ADCY8: variants seen among roughly 807,000 people sequenced by gnomAD.
The protein encoded by ADCY8 is adenylate cyclase 8.
ADCY8 carries 51 observed loss-of-function variants against 119.7 expected under a neutral mutation model. The observed-to-expected ratio is 0.43, with a 90% CI of 0.34 to 0.54. The LOEUF is 0.54. ADCY8 is among the 20% of genes least tolerant of loss of function. The pLI is 0.03. For synonymous variants in ADCY8, 665 were observed against 651.0 expected, an observed-to-expected ratio of 1.02 and a Z score of -0.33; for missense variants, 1,383 against 1,598.8, an observed-to-expected ratio of 0.87 and a Z score of 2.30.
At chr8:130,788,717 T>C (rs946735579) in intron 15 of ADCY8, among the ~76,000 whole-genome samples, 1 of 152,194 alleles carries the variant, frequency 6.6e-6, no homozygotes, top group East Asian at 1.9e-4. Flanking sequence ...ATTATATACA[T>C]GTATCAAAAC....
chr8:130,849,621 A>G lies in ADCY8; in HGVS notation c.2393T>C (p.Leu798Pro). The G allele has an allele frequency of 1.2e-6, 2 of 1,614,000 alleles. No homozygotes were observed. Among genetic ancestry groups the G allele is most frequent in the Non-Finnish European group, 1.7e-6 (2 of 1,179,884 alleles). The stretch of plus-strand genomic sequence containing the variant: ...GCTTACGATATTTAAGATGGCACCC[A>G]GGAAATTAATCAAAATGGATGCAAA... ...IIFASILINF[L>P]GAILNILWCD... The change falls in exon 10 of 18, where the codon CTG becomes CCG. Residue 798 changes from leucine (L) to proline (P), a missense_variant. This residue lies in a region of ADCY8 where 928 missense variants were observed against 1,163.5 expected (regional missense o/e 0.80). Transcript: ENST00000286355.
intron 1 of ADCY8, among the ~76,000 whole-genome samples, chr8:131,024,689 C>T (rs774410363): frequency 2.6e-5 from 4 of 152,094 alleles, no homozygotes; most frequent in African/African-American, 4.8e-5. Flanking sequence ...ATTACTAGTC[C>T]GTTCGAAACA....
intron 9 of ADCY8, among the ~76,000 whole-genome samples, chr8:130,861,721 A>G (rs1817934743): frequency 2.0e-5 from 3 of 151,448 alleles, no homozygotes; most frequent in Admixed American, 2.0e-4. Context: ...TATTAAATAC[A>G]GGTGGTGAGA....
chr8:130,926,616 T>C (rs895758363), intron 5 of ADCY8, among the ~76,000 whole-genome samples: 1 of 152,170 alleles, frequency 6.6e-6, no homozygotes, highest in Non-Finnish European at 1.5e-5. Context: ...ATCCAGTCTC[T>C]TACCATTTTT....
At chr8:130,848,311 C>T (rs1401447846) in intron 10 of ADCY8, among the ~76,000 whole-genome samples, 3 of 152,170 alleles carry the variant, frequency 2.0e-5, no homozygotes, top group African/African-American at 7.2e-5. Context: ...TTCTGCACCC[C>T]AGAAATATCT....
rs559051116 is a variant in ADCY8, at chr8:130,913,119, C to T, written c.1482-3253G>A. On this transcript the variant is annotated intron_variant, in intron 5 of 17. Transcript: ENST00000286355. Reference sequence around the variant, plus strand: ...ATGGGGTACATGAGGTGTTTTGAGGCATGCAATGTGAAATAATCACATCAT... The same window carrying T: ...ATGGGGTACATGAGGTGTTTTGAGGTATGCAATGTGAAATAATCACATCAT... 3.3e-4 allele frequency among the ~76,000 whole-genome samples: 50 copies of T among 152,192 alleles called. No homozygotes were observed. The South Asian group carries it at 0.01, about 32-fold the overall frequency.
intron 8 of ADCY8, among the ~76,000 whole-genome samples, chr8:130,873,258 G>A (rs140725161): frequency 3.9e-5 from 6 of 152,126 alleles, no homozygotes; most frequent in Admixed American, 2.6e-4. Flanking sequence ...TCTACAAGAT[G>A]TAGAAGATGC....
chr8:130,890,662 G>A (rs1819154479), intron 7 of ADCY8, among the ~76,000 whole-genome samples: 1 of 152,044 alleles, frequency 6.6e-6, no homozygotes, highest in Non-Finnish European at 1.5e-5. Context: ...CAGACTTTTG[G>A]GATCCAGAGA....
chr8:130,951,682 A>G (rs886138071), intron 3 of ADCY8, among the ~76,000 whole-genome samples, 186 bp downstream of exon 3: 28 of 152,194 alleles, frequency 1.8e-4, no homozygotes, highest in African/African-American at 6.8e-4. Flanking sequence ...TATCTGTGAC[A>G]TTCTTCTCTA....
rs774605179 is a variant in ADCY8 at position 131,039,787 on chromosome 8, C to T, written c.547G>A (p.Val183Met). 3 of 1,614,238 alleles carry T rather than the reference C, an allele frequency of 1.9e-6. No individual in the cohort carries two copies. Among genetic ancestry groups the T allele is most frequent in the Non-Finnish European group, 8.5e-7 (1 of 1,180,050 alleles). The change falls in exon 1 of 18, where the codon GTG becomes ATG. Residue 183 changes from valine (V) to methionine (M), a missense_variant. Val to Met is a conservative substitution (Grantham distance 21). Around this residue, in one of 2 missense-constraint regions of ADCY8, gnomAD observed 455 missense variants for 435.3 expected, o/e 1.05. Coordinates refer to ENST00000286355, the MANE Select transcript of ADCY8 (RefSeq NM_001115.3). The stretch of plus-strand genomic sequence containing the variant: ...AGCACGTCCAGCACGTTCATCACCA[C>T]TTCCGATTTGCGCCTTTGGCCCAAG... ...YFLGQRRKSE[V>M]VMNVLDVLTK...
chr8:130,965,787 CAAATA>C (rs1821745085), intron 2 of ADCY8, among the ~76,000 whole-genome samples: 1 of 152,084 alleles, frequency 6.6e-6, no homozygotes, highest in South Asian at 2.1e-4. Flanking sequence ...GTTTAAGTTA[CAAATA>C]AAAGGTTTAT....
Position 130,780,479 on chromosome 8 carries a change from C to T in ADCY8, c.3667G>A (p.Gly1223Ser). The T allele has an allele frequency of 1.9e-6, 3 of 1,613,912 alleles. No individual in the cohort carries two copies. Among genetic ancestry groups the T allele is most frequent in the South Asian group, 1.1e-5 (1 of 91,060 alleles). The change falls in exon 18 of 18, where the codon GGT becomes AGT. Residue 1223 changes from glycine to serine, a missense_variant. Gly to Ser is a moderately conservative substitution (Grantham distance 56). Transcript: ENST00000286355. ...NENNNTGIIK[G>S]HYNRRTLLSP... ...AACAAAGTCCGCCGGTTGTAATGAC[C>T]CTTGATGATTCCTGTGTTGTTGTTC...
Position 130,800,661 on chromosome 8 carries a change from C to T in ADCY8, c.2914-89G>A, listed in dbSNP as rs77817292. On this transcript the variant is annotated intron_variant, in intron 14 of 17. Coordinates refer to ENST00000286355, the MANE Select transcript of ADCY8 (RefSeq NM_001115.3). ...TCCTGTGCACACATGTGGGTACACA[C>T]GTGCACAGTCACCCACAGAGAGACA... The T allele has an allele frequency of 7.2e-4, 981 of 1,368,878 alleles. 8 individuals are homozygous for T. The East Asian group carries it at 0.02, about 28-fold the overall frequency. 84.8% of individuals were successfully genotyped at this position (1,368,878 alleles called of 1,614,324 possible).
At chr8:130,937,542 A>G (rs1420896174) in intron 4 of ADCY8, among the ~76,000 whole-genome samples, 3 of 152,180 alleles carry the variant, frequency 2.0e-5, no homozygotes, top group East Asian at 1.9e-4. Flanking sequence ...CTACAAATTC[A>G]GCCCCAAGCA....
chr8:130,798,998 G>A (rs571454807), intron 15 of ADCY8, among the ~76,000 whole-genome samples: 378 of 152,208 alleles, frequency 2.5e-3, no homozygotes, highest in Non-Finnish European at 3.6e-3. Flanking sequence ...ACATGGATGG[G>A]TCTGGAGGAT....
chr8:130,781,688 T>A lies in ADCY8; in HGVS notation c.3269-811A>T, dbSNP rs534733287. ...CCACCTTTGTGCCTTTGTCCTGACT[T>A]TCCCCCTGCTTGTGCTATTACTTCC... is the stretch of plus-strand genomic sequence containing the variant. On this transcript the variant is annotated intron_variant, in intron 17 of 17. Transcript: ENST00000286355. 3.9e-5 allele frequency among the ~76,000 whole-genome samples: 6 copies of A among 152,318 alleles called. No homozygotes were observed. The South Asian group carries it at 1.2e-3, about 32-fold the overall frequency.
chr8:131,015,335 T>G (rs1380898398), intron 1 of ADCY8, among the ~76,000 whole-genome samples: 1 of 152,132 alleles, frequency 6.6e-6, no homozygotes, highest in Non-Finnish European at 1.5e-5. Flanking sequence ...GAGTTTCCAT[T>G]TTAGGTGGAG....
Position 130,951,903 on chromosome 8 carries a change from G to A in ADCY8, c.1206C>T (p.Phe402=), listed in dbSNP as rs190999276. 9.3e-6 allele frequency: 15 copies of A among 1,614,082 alleles called. No homozygotes were observed. In the East Asian group the frequency reaches 3.3e-4, roughly 36 times the overall value. Residue 402 remains phenylalanine, a synonymous_variant, in exon 3 of 18, where the codon TTC becomes TTT. Coordinates refer to ENST00000286355, the MANE Select transcript of ADCY8 (RefSeq NM_001115.3). ...CATAGCGATGGATGTAGATCCGATG[G>A]AACTGGTGCTGCAGGTGCTCATCTT... ...NVEDEHLQHQ[F]HRIYIHRYEN...
intron 7 of ADCY8, among the ~76,000 whole-genome samples, chr8:130,895,541 ACTTGT>A (rs1332932529): frequency 6.6e-6 from 1 of 152,124 alleles, no homozygotes; most frequent in Non-Finnish European, 1.5e-5. Flanking sequence ...CTTCAAATCC[ACTTGT>A]CTTTTGAAAC....
Sources: gnomAD v4.1 joint callset for allele counts (sites outside exome capture counted in the v4.1 genomes callset) on GRCh38, gnomAD v4.1.1 for gene constraint, gnomAD v4.1.1 regional missense constraint, MANE v1.5 for transcripts, NCBI Gene and HGNC (gene_info 2026-07-23, HGNC 2026-07-21) for gene names.